SYNDIG1: variants seen among roughly 807,000 people sequenced by gnomAD.
The protein encoded by SYNDIG1 is synapse differentiation-inducing gene protein 1.
In SYNDIG1, 9 loss-of-function variants were observed where a neutral mutation model predicts 19.4. The observed-to-expected ratio is 0.46, with a 90% CI of 0.28 to 0.81. The LOEUF (loss-of-function observed/expected upper bound fraction) is 0.81. SYNDIG1 is among the 30% of genes least tolerant of loss of function. The pLI is 0.12. For synonymous variants in SYNDIG1, 141 were observed against 145.9 expected (o/e 0.97, Z 0.24); for missense variants, 311 against 343.3 (o/e 0.91, Z 0.74).
intron 3 of SYNDIG1, among the ~76,000 whole-genome samples, chr20:24,631,547 G>A (rs2059244254): frequency 6.6e-6 from 1 of 152,212 alleles, no homozygotes; most frequent in Non-Finnish European, 1.5e-5. Flanking sequence ...ATAAAAAGGT[G>A]AGATTTTTAT....
chr20:24,633,484 G>A (rs548794067), intron 3 of SYNDIG1, among the ~76,000 whole-genome samples: 77 of 152,260 alleles, frequency 5.1e-4, no homozygotes, highest in African/African-American at 1.8e-3. Context: ...AACTGGTAAC[G>A]TTCACGGGGG....
At chr20:24,628,172 G>A (rs1301278252) in intron 3 of SYNDIG1, among the ~76,000 whole-genome samples, 1 of 152,076 alleles carries the variant, frequency 6.6e-6, no homozygotes, top group Non-Finnish European at 1.5e-5. Flanking sequence ...AATTATCTGG[G>A]AAGAAAAGAA....
chr20:24,573,493 A>G lies in SYNDIG1; in HGVS notation c.481-11363A>G, dbSNP rs192652512. Reference sequence around the variant, plus strand: ...TGAAGTCCAGTGTACAACACAAATTATATCCACACTGTGAAAATAAAAACA... The same window carrying G: ...TGAAGTCCAGTGTACAACACAAATTGTATCCACACTGTGAAAATAAAAACA... On this transcript the variant is annotated intron_variant, in intron 2 of 3. Transcript: ENST00000376862. Among the ~76,000 whole-genome samples the G allele has an allele frequency of 7.2e-5, 11 of 152,314 alleles. No individual in the cohort carries two copies. In the East Asian group the frequency reaches 1.9e-3, roughly 27 times the overall value.
intron 1 of SYNDIG1, among the ~76,000 whole-genome samples, chr20:24,487,606 C>A (rs1351705155): frequency 1.3e-5 from 2 of 152,160 alleles, no homozygotes; most frequent in East Asian, 1.9e-4. Flanking sequence ...TGGAAATGCA[C>A]CCCCACGTGC....
At chr20:24,475,946 C>A (rs568732952) in intron 1 of SYNDIG1, among the ~76,000 whole-genome samples, 1 of 151,826 alleles carries the variant, frequency 6.6e-6, no homozygotes, top group Non-Finnish European at 1.5e-5. Flanking sequence ...CTGCAACCTC[C>A]GCCTCCCGGG....
At chr20:24,562,526 CATCTT>C (rs1432878315) in intron 2 of SYNDIG1, among the ~76,000 whole-genome samples, 1 of 152,138 alleles carries the variant, frequency 6.6e-6, no homozygotes, top group African/African-American at 2.4e-5. Context: ...TAGACATTCT[CATCTT>C]ATGTGCATCA....
rs142508189 is a variant in SYNDIG1, at chr20:24,545,459, GA to G, written c.480+1884del. ...AATGCTGCCCGACTCGCATGGAGTG[GA>G]ATTAGAGAGGCAGATGCACGAAAAT... On this transcript the variant is annotated intron_variant, in intron 2 of 3. Transcript: ENST00000376862. Among the ~76,000 whole-genome samples the G allele has an allele frequency of 9.4e-3, 1,432 of 152,238 alleles. 19 individuals carry two copies. Among genetic ancestry groups the G allele is most frequent in the African/African-American group, 0.033 (1,372 of 41,532 alleles).
Position 24,585,050 on chromosome 20 carries a change from G to T in SYNDIG1, c.618+57G>T, listed in dbSNP as rs1396583969. On this transcript the variant is annotated intron_variant, in intron 3 of 3. Coordinates refer to ENST00000376862, the MANE Select transcript of SYNDIG1 (RefSeq NM_024893.3). ...TGCAGGTGTTCACAGGGTGGGGGTGGGGGCGGCAATCCCAGCCGAGGAGGA... is the reference window on the plus strand; with the variant it reads ...TGCAGGTGTTCACAGGGTGGGGGTGTGGGCGGCAATCCCAGCCGAGGAGGA... 7 of 1,127,728 alleles carry T rather than the reference G, an allele frequency of 6.2e-6. No homozygotes were observed. In the African/African-American group the frequency reaches 9.6e-5, roughly 15 times the overall value. 69.9% of individuals were successfully genotyped at this position (1,127,728 alleles called of 1,614,324 possible).
chr20:24,500,723 C>G (rs969508776), intron 1 of SYNDIG1, among the ~76,000 whole-genome samples: 1 of 152,132 alleles, frequency 6.6e-6, no homozygotes, highest in African/African-American at 2.4e-5. Context: ...TTAGTTAAAG[C>G]TCAGCTTTTA....
intron 2 of SYNDIG1, among the ~76,000 whole-genome samples, chr20:24,582,276 G>A (rs1287381994): frequency 4.3e-5 from 3 of 70,078 alleles, no homozygotes; most frequent in South Asian, 5.6e-4. Flanking sequence ...CCCACTGCAC[G>A]GTCTCCCCCC....
chr20:24,479,929 C>T (rs144785106), intron 1 of SYNDIG1, among the ~76,000 whole-genome samples: 28 of 152,380 alleles, frequency 1.8e-4, no homozygotes, highest in African/African-American at 6.5e-4. Context: ...CACTGAGTTA[C>T]TCCTGCCCTG....
At chr20:24,589,265 T>A (rs2058468340) in intron 3 of SYNDIG1, among the ~76,000 whole-genome samples, 1 of 152,180 alleles carries the variant, frequency 6.6e-6, no homozygotes, top group African/African-American at 2.4e-5. Context: ...ATCTCCATTT[T>A]ACAGATTAAC....
intron 3 of SYNDIG1, among the ~76,000 whole-genome samples, chr20:24,591,029 G>A (rs2058502361): frequency 6.6e-6 from 1 of 152,052 alleles, no homozygotes; most frequent in Non-Finnish European, 1.5e-5. Flanking sequence ...TTCCTGACCT[G>A]GGTACTGGCT....
chr20:24,636,915 A>G (rs2059321932), intron 3 of SYNDIG1, among the ~76,000 whole-genome samples: 1 of 152,248 alleles, frequency 6.6e-6, no homozygotes, highest in African/African-American at 2.4e-5. Context: ...GATCATGTCA[A>G]CAGACCTAGG....
At chr20:24,477,409 T>C (rs535533285) in intron 1 of SYNDIG1, among the ~76,000 whole-genome samples, 66 of 152,200 alleles carry the variant, frequency 4.3e-4, no homozygotes, top group African/African-American at 1.5e-3. Context: ...CTGCATCCCA[T>C]TGATTGTCTT....
intron 1 of SYNDIG1, among the ~76,000 whole-genome samples, chr20:24,512,254 A>C (rs960921015): frequency 6.6e-6 from 1 of 150,498 alleles, no homozygotes; most frequent in Non-Finnish European, 1.5e-5. Context: ...CAACTGAGGT[A>C]CTGGGTTCAA....
chr20:24,579,358 A>G (rs960949173), intron 2 of SYNDIG1, among the ~76,000 whole-genome samples: 6 of 152,192 alleles, frequency 3.9e-5, no homozygotes, highest in Admixed American at 6.5e-5. Context: ...GGTGAGGACT[A>G]ATAGTGGCAG....
Position 24,503,416 on chromosome 20 carries a change from G to T in SYNDIG1, c.-79+33663G>T, listed in dbSNP as rs6036826. On this transcript the variant is annotated intron_variant, in intron 1 of 3. Coordinates refer to ENST00000376862, the MANE Select transcript of SYNDIG1 (RefSeq NM_024893.3). ...TATTTTGGTGTCTAGAGCTGGCTGT[G>T]TGCTCAGCAGCAGTGCTGAGAGGGA... Among the ~76,000 whole-genome samples, 274 of 152,332 alleles carry T rather than the reference G, an allele frequency of 1.8e-3. 4 individuals carry two copies. Among genetic ancestry groups the T allele is most frequent in the African/African-American group, 6.3e-3 (260 of 41,574 alleles).
intron 2 of SYNDIG1, among the ~76,000 whole-genome samples, chr20:24,573,858 C>T (rs1264258508): frequency 6.6e-6 from 1 of 152,214 alleles, no homozygotes; most frequent in Non-Finnish European, 1.5e-5. Context: ...ACAGGCTCTG[C>T]AGCAGGTGCT....
Sources: gnomAD v4.1 joint callset for allele counts (sites outside exome capture counted in the v4.1 genomes callset) on GRCh38, gnomAD v4.1.1 for gene constraint, MANE v1.5 for transcripts, NCBI Gene and HGNC (gene_info 2026-07-23, HGNC 2026-07-21) for gene names.